The following NRXN1 variants were observed in gnomAD, a reference collection of about 807,000 sequenced individuals.
NRXN1 encodes the protein neurexin 1, also known as neurexin-1.
A neutral mutation model predicts 150.9 loss-of-function variants in NRXN1; 39 were observed. The observed-to-expected ratio is 0.26, with a 90% CI of 0.20 to 0.34. The LOEUF is 0.34. Among genes scored for constraint, NRXN1 ranks in the 10% least tolerant of loss-of-function variants. NRXN1 has a pLI of 1.00. For synonymous variants in NRXN1, 924 were observed against 757.0 expected (o/e 1.22, Z -3.62); for missense variants, 1,815 against 1,949.9 (o/e 0.93, Z 1.30).
At chr2:50,142,912 C>T (rs1406308611) in intron 18 of NRXN1, among the ~76,000 whole-genome samples, 2 of 151,810 alleles carry the variant, frequency 1.3e-5, no homozygotes, top group African/African-American at 4.8e-5. Flanking sequence ...TAAGAAGTCA[C>T]CAGAAATGTC....
rs2078051099 is a variant in NRXN1 at position 50,347,034 on chromosome 2, CGCG to C, written c.3365-110067_3365-110065del. 2.9e-6 allele frequency: 4 copies of C among 1,369,654 alleles called. No homozygotes were observed. Among genetic ancestry groups the C allele is most frequent in the Non-Finnish European group, 3.8e-6 (4 of 1,051,058 alleles). 84.8% of individuals were successfully genotyped at this position (1,369,654 alleles called of 1,614,324 possible). A position where few individuals can be genotyped will look rare whatever the true frequency, so the allele number is the denominator to read the frequency against. On this transcript the variant is annotated intron_variant, in intron 17 of 22. Transcript: ENST00000401669. The surrounding 1 kb of genome is among the most constrained non-coding windows in gnomAD (Gnocchi z 4.9). The stretch of plus-strand genomic sequence containing the variant: ...GGAGAGGGCGCAGGGGAGCGGGCGG[CGCG>C]GAGTGGGCTGAGGGGCCGGCCGCCT...
At chr2:50,215,150 A>G (rs1188980220) in intron 18 of NRXN1, among the ~76,000 whole-genome samples, 2 of 152,002 alleles carry the variant, frequency 1.3e-5, no homozygotes, top group African/African-American at 2.4e-5. Context: ...TTTTCTTATA[A>G]TGGCATTAAT....
chr2:51,025,778 T>C (rs1670346881), intron 2 of NRXN1, among the ~76,000 whole-genome samples: 1 of 152,192 alleles, frequency 6.6e-6, no homozygotes, highest in Non-Finnish European at 1.5e-5. Flanking sequence ...AAACTATCTT[T>C]TTTATTTTGT....
At chr2:50,217,665 T>C (rs905128976) in intron 18 of NRXN1, among the ~76,000 whole-genome samples, 1 of 151,992 alleles carries the variant, frequency 6.6e-6, no homozygotes, top group African/African-American at 2.4e-5. Context: ...TGTGGGTCTG[T>C]GGAGCAAGTC....
Position 50,367,038 on chromosome 2 carries a change from G to A in NRXN1, c.3364+98404C>T, listed in dbSNP as rs549550306. Reference sequence around the variant, plus strand: ...AGTACGCCAGCTGAGGCCTCCAGGCGTCTGGGAGAGACATTTATCCTTAAG... The same window carrying A: ...AGTACGCCAGCTGAGGCCTCCAGGCATCTGGGAGAGACATTTATCCTTAAG... On this transcript the variant is annotated intron_variant, in intron 17 of 22. Transcript: ENST00000401669. 7.2e-5 allele frequency among the ~76,000 whole-genome samples: 11 copies of A among 152,064 alleles called. No homozygotes were observed. The South Asian group carries it at 8.3e-4, about 11-fold the overall frequency.
intron 17 of NRXN1, among the ~76,000 whole-genome samples, chr2:50,440,932 G>T (rs2085896477): frequency 6.6e-6 from 1 of 152,086 alleles, no homozygotes. Context: ...ATCTTTAATA[G>T]ATTTATGTGA....
At chr2:50,038,669 T>C (rs1422056961) in intron 21 of NRXN1, among the ~76,000 whole-genome samples, 1 of 152,138 alleles carries the variant, frequency 6.6e-6, no homozygotes, top group Non-Finnish European at 1.5e-5. Context: ...TGGGGATAAT[T>C]TGTTATACAG....
At chr2:50,963,669 G>A (rs1393572658) in intron 2 of NRXN1, among the ~76,000 whole-genome samples, 1 of 151,620 alleles carries the variant, frequency 6.6e-6, no homozygotes, top group Non-Finnish European at 1.5e-5. Context: ...ACATGTTTAA[G>A]CAAGATACGG....
At chr2:50,228,965 C>T (rs1390477286) in intron 18 of NRXN1, among the ~76,000 whole-genome samples, 1 of 152,002 alleles carries the variant, frequency 6.6e-6, no homozygotes, top group Non-Finnish European at 1.5e-5. Flanking sequence ...TAGTTCTGGT[C>T]TAGCACACCA....
At position 50,472,353 on chromosome 2, in the gene NRXN1, C is replaced by T. The variant is rs141566634; in HGVS notation, c.3189G>A (p.Pro1063=). The change falls in exon 16 of 23, where the codon CCG becomes CCA. Residue 1063 remains proline (P), a synonymous_variant. Coordinates refer to ENST00000401669, the MANE Select transcript of NRXN1 (RefSeq NM_001330078.2). ...AGAAAAGAGCATCGGAGATGAGGTC[C>T]GGAAGCCGTCCATTTAAATCAACTG... ...LASVDLNGRL[P]DLISDALFCN... The T allele has an allele frequency of 1.9e-5, 31 of 1,611,794 alleles. No homozygotes were observed. The highest frequency in any genetic ancestry group is 3.3e-4 in the Middle Eastern group (2 of 6,052).
chr2:50,182,663 G>T (rs1438506485), intron 18 of NRXN1, among the ~76,000 whole-genome samples: 2 of 152,010 alleles, frequency 1.3e-5, no homozygotes, highest in Non-Finnish European at 2.9e-5. Flanking sequence ...TCTTCGAGCT[G>T]TCGCCATCCT....
At chr2:51,015,973 T>C (rs532677469) in intron 2 of NRXN1, among the ~76,000 whole-genome samples, 8 of 152,116 alleles carry the variant, frequency 5.3e-5, no homozygotes, top group South Asian at 4.1e-4. Context: ...CTTCAAACTA[T>C]ACTACAAAGC....
At chr2:50,814,995 T>C (rs764798751) in intron 5 of NRXN1, among the ~76,000 whole-genome samples, 10 of 152,110 alleles carry the variant, frequency 6.6e-5, no homozygotes, top group Non-Finnish European at 1.5e-4. Flanking sequence ...CTTAGAACTA[T>C]GTCATAGAAT....
chr2:50,149,818 G>C (rs1303263285), intron 18 of NRXN1, among the ~76,000 whole-genome samples: 1 of 151,472 alleles, frequency 6.6e-6, no homozygotes, highest in African/African-American at 2.4e-5. Context: ...AAAAGCAGTA[G>C]TTCTGACTCA....
At chr2:50,661,343 G>T (rs1687273172) in intron 5 of NRXN1, among the ~76,000 whole-genome samples, 1 of 152,038 alleles carries the variant, frequency 6.6e-6, no homozygotes, top group Non-Finnish European at 1.5e-5. Flanking sequence ...TTTTTGTGGA[G>T]ATTGCTTCCT....
chr2:50,803,351 G>A (rs955440931), intron 5 of NRXN1, among the ~76,000 whole-genome samples: 3 of 152,114 alleles, frequency 2.0e-5, no homozygotes, highest in Non-Finnish European at 2.9e-5. Flanking sequence ...GAAGACTGGA[G>A]GAGAAACTAA....
chr2:50,926,940 T>G (rs1686989497), intron 2 of NRXN1, among the ~76,000 whole-genome samples: 1 of 151,888 alleles, frequency 6.6e-6, no homozygotes, highest in Non-Finnish European at 1.5e-5. Flanking sequence ...AAATTCAAGT[T>G]CTATTTGAGA....
At chr2:50,970,188 G>A (rs1422194628) in intron 2 of NRXN1, among the ~76,000 whole-genome samples, 2 of 152,136 alleles carry the variant, frequency 1.3e-5, no homozygotes, top group Non-Finnish European at 2.9e-5. Context: ...TTTATGGCTG[G>A]CTTTGGAGAA....
intron 12 of NRXN1, among the ~76,000 whole-genome samples, chr2:50,518,071 C>T (rs1039760909): frequency 2.0e-5 from 3 of 151,940 alleles, no homozygotes; most frequent in Non-Finnish European, 4.4e-5. Flanking sequence ...TTATGACAGA[C>T]AAGGATAAAT....
Sources: allele counts gnomAD v4.1 joint callset (sites outside exome capture counted in the v4.1 genomes callset), GRCh38; gene constraint gnomAD v4.1.1; non-coding constraint Gnocchi (gnomAD v3.1); transcripts MANE v1.5; gene names NCBI Gene and HGNC (gene_info 2026-07-23, HGNC 2026-07-21).